Variants in NR2C2 observed in about 807,000 individuals in gnomAD.
NR2C2 encodes nuclear receptor subfamily 2 group C member 2.
In NR2C2, 6 loss-of-function variants were observed where a neutral mutation model predicts 62.9. That is an observed-to-expected ratio of 0.10 (90% CI 0.05 to 0.19). NR2C2 has a LOEUF of 0.19. Among genes scored for constraint, NR2C2 ranks in the 10% least tolerant of loss-of-function variants. The pLI, the probability that NR2C2 is intolerant of heterozygous loss-of-function variation, is 1.00. For missense variants in NR2C2, 479 were observed against 762.7 expected, an observed-to-expected ratio of 0.63 and a Z score of 4.38; for synonymous variants, 272 against 273.8, an observed-to-expected ratio of 0.99 and a Z score of 0.07.
In NR2C2 at chr3:14,989,787, C is replaced by T. The variant is rs1322354423; in HGVS notation, c.-39-14089C>T. Among the ~76,000 whole-genome samples the T allele has an allele frequency of 6.6e-5, 10 of 151,728 alleles. 1 individual carries two copies. The highest frequency in any genetic ancestry group is 6.6e-4 in the Admixed American group (10 of 15,208). ...ATCTCTACTAAAAATACAAAATTAG[C>T]AGGGTGTGGTGGCAGGCACCTGTAA... On this transcript the variant is annotated intron_variant, in intron 1 of 13. Coordinates refer to ENST00000425241, the MANE Select transcript of NR2C2 (RefSeq NM_001291694.2).
chr3:15,013,665 A>C lies in NR2C2; in HGVS notation c.149A>C (p.Gln50Pro). ...AVDASGSPKQ[Q>P]FILTSPDGAG... The stretch of plus-strand genomic sequence containing the variant: ...GACGCCTCCGGATCCCCCAAACAGC[A>C]GTTCATCCTGACCAGCCCAGATGGA... Residue 50 changes from glutamine to proline, a missense_variant, in exon 3 of 14, where the codon CAG becomes CCG. Gln to Pro is a moderately conservative substitution (Grantham distance 76). Transcript: ENST00000425241. The C allele has an allele frequency of 6.2e-7, 1 of 1,614,188 alleles. No individual in the cohort carries two copies. Among genetic ancestry groups the C allele is most frequent in the South Asian group, 1.1e-5 (1 of 91,084 alleles).
At chr3:14,960,467 C>G (rs2039660270) in intron 1 of NR2C2, among the ~76,000 whole-genome samples, 1 of 152,120 alleles carries the variant, frequency 6.6e-6, no homozygotes, top group Non-Finnish European at 1.5e-5. Context: ...TAATTCTGTA[C>G]TAGGCCTCTA....
At chr3:14,986,877 AG>A (rs769888229) in intron 1 of NR2C2, among the ~76,000 whole-genome samples, 1 of 152,214 alleles carries the variant, frequency 6.6e-6, no homozygotes, top group Non-Finnish European at 1.5e-5. Flanking sequence ...TTCTAAGTGT[AG>A]TGTGTTTCCA....
chr3:15,028,547 C>T (rs1395289979), intron 7 of NR2C2, 39 bp from the exon 8 acceptor site: 21 of 1,594,262 alleles, frequency 1.3e-5, no homozygotes, highest in Admixed American at 5.1e-5. Context: ...ATTTGCGTAT[C>T]TGTGTTCATT....
At chr3:14,983,983 G>A (rs113587926) in intron 1 of NR2C2, among the ~76,000 whole-genome samples, 2 of 152,120 alleles carry the variant, frequency 1.3e-5, no homozygotes, top group Admixed American at 1.3e-4. Context: ...CCACCTCCCG[G>A]GTTCAAGCAG....
At chr3:14,971,169 G>A (rs1315210012) in intron 1 of NR2C2, among the ~76,000 whole-genome samples, 2 of 152,080 alleles carry the variant, frequency 1.3e-5, no homozygotes, top group African/African-American at 4.8e-5. Flanking sequence ...CCAGGCTGGA[G>A]TGCAGTGGCG....
chr3:15,004,708 A>G (rs1466426144), intron 2 of NR2C2: 7 of 1,428,370 alleles, frequency 4.9e-6, no homozygotes, highest in Non-Finnish European at 6.7e-6. Context: ...TGAATCAAAA[A>G]GCCAATTATA....
chr3:14,997,961 C>T (rs1275518835), intron 1 of NR2C2, among the ~76,000 whole-genome samples: 1 of 152,130 alleles, frequency 6.6e-6, no homozygotes, highest in Non-Finnish European at 1.5e-5. Context: ...ACCCCTGTTC[C>T]CCTGTCACCT....
At chr3:14,966,263 A>G (rs868649156) in intron 1 of NR2C2, among the ~76,000 whole-genome samples, 3 of 152,252 alleles carry the variant, frequency 2.0e-5, no homozygotes, top group Admixed American at 1.3e-4. Flanking sequence ...ATAATAGGAC[A>G]GGGCTTTTGC....
chr3:14,964,503 CTATTTTA>C (rs112992681), intron 1 of NR2C2, among the ~76,000 whole-genome samples: 146,308 of 151,580 alleles, frequency 0.97, 70,568 homozygotes, highest in East Asian at 1. Context: ...TTTTTATTTT[CTATTTTA>C]TATTTTTTAT....
chr3:14,950,736 T>G (rs1045284073), intron 1 of NR2C2, among the ~76,000 whole-genome samples: 1 of 152,254 alleles, frequency 6.6e-6, no homozygotes, highest in Non-Finnish European at 1.5e-5. Context: ...AGGAATACAT[T>G]TTGTTTACCA....
In NR2C2 at chr3:14,947,859, C is replaced by T. The variant is rs550009641; in HGVS notation, c.-87C>T. 6.7e-6 allele frequency: 1 copy of T among 149,886 alleles called. No homozygotes were observed. The highest frequency in any genetic ancestry group is 6.6e-5 in the Admixed American group (1 of 15,112). The allele number at this position is 149,886 out of a possible 1,614,324, so 9.3% of individuals were successfully genotyped here. A position where few individuals can be genotyped will look rare whatever the true frequency, so the allele number is the denominator to read the frequency against. Reference sequence around the variant, plus strand: ...GCCCTCCGCGCCGGGGGCCGCCCGCCGCAGACACGGGACCCGCTTCGAGGC... The same window carrying T: ...GCCCTCCGCGCCGGGGGCCGCCCGCTGCAGACACGGGACCCGCTTCGAGGC... On this transcript the variant is annotated 5_prime_UTR_variant, in exon 1 of 14. Coordinates refer to ENST00000425241, the MANE Select transcript of NR2C2 (RefSeq NM_001291694.2).
intron 13 of NR2C2, among the ~76,000 whole-genome samples, chr3:15,040,483 A>G (rs1484344660): frequency 6.6e-6 from 1 of 152,174 alleles, no homozygotes; most frequent in Non-Finnish European, 1.5e-5. Context: ...CAGGAGCCCC[A>G]TGGAACACAG....
chr3:15,020,903 A>C lies in NR2C2; in HGVS notation c.527A>C (p.Lys176Thr). Reference sequence around the variant, plus strand: ...CGCTGTCAGTTTTGCCGGCTGAAAAAATGCTTAGAGATGGGCATGAAAATG... The same window carrying C: ...CGCTGTCAGTTTTGCCGGCTGAAAACATGCTTAGAGATGGGCATGAAAATG... ...RNRCQFCRLK[K>T]CLEMGMKMES... The change falls in exon 5 of 14, where the codon AAA (lysine) becomes ACA (threonine). Residue 176 changes from lysine (K) to threonine (T), a missense_variant. Coordinates refer to ENST00000425241, the MANE Select transcript of NR2C2 (RefSeq NM_001291694.2). 1 of 1,614,194 alleles carries C rather than the reference A, an allele frequency of 6.2e-7. No homozygotes were observed. Among genetic ancestry groups the C allele is most frequent in the Non-Finnish European group, 8.5e-7 (1 of 1,180,026 alleles).
chr3:15,043,887 A>G lies in NR2C2; in HGVS notation c.*879A>G, dbSNP rs1264935897. ...AGATGTACAGTTCCTCCAGCAAGTG[A>G]AAACATCCCCAAGTCACATCCGCCG... On this transcript the variant is annotated 3_prime_UTR_variant, in exon 14 of 14. Coordinates refer to ENST00000425241, the MANE Select transcript of NR2C2 (RefSeq NM_001291694.2). 1.3e-5 allele frequency: 2 copies of G among 152,246 alleles called. No individual in the cohort carries two copies. Among genetic ancestry groups the G allele is most frequent in the Non-Finnish European group, 2.9e-5 (2 of 68,052 alleles). 9.4% of individuals were successfully genotyped at this position (152,246 alleles called of 1,614,324 possible).
intron 2 of NR2C2, among the ~76,000 whole-genome samples, chr3:15,010,441 A>G (rs1220353652): frequency 6.6e-6 from 1 of 152,092 alleles, no homozygotes; most frequent in Non-Finnish European, 1.5e-5. Flanking sequence ...TAATCTAGCC[A>G]GGTGCATTGG....
In NR2C2 at chr3:15,013,938, TAATAAACCAGC is replaced by T. The variant is rs978418906; in HGVS notation, c.273+153_273+163del. 14 of 758,130 alleles carry T rather than the reference TAATAAACCAGC, an allele frequency of 1.8e-5. 1 individual carries two copies. The highest frequency in any genetic ancestry group is 1.5e-4 in the South Asian group (9 of 58,368). 47.0% of individuals were successfully genotyped at this position (758,130 alleles called of 1,614,324 possible). On this transcript the variant is annotated intron_variant, in intron 3 of 13. Coordinates refer to ENST00000425241, the MANE Select transcript of NR2C2 (RefSeq NM_001291694.2). ...TGGCAGGTTGCTGCTTTGGCCAAAG[TAATAAACCAGC>T]AATCCAGTGGCAAGGCCCAGAAGAC...
intron 1 of NR2C2, among the ~76,000 whole-genome samples, chr3:14,987,563 A>G (rs184383279): frequency 1.6e-4 from 24 of 152,310 alleles, no homozygotes; most frequent in African/African-American, 4.8e-4. Context: ...TTACCACACT[A>G]TGTAAAAATA....
chr3:15,034,548 C>G, intron 10 of NR2C2, 122 bp from the exon 11 acceptor site: 1 of 970,260 alleles, frequency 1.0e-6, no homozygotes, highest in Non-Finnish European at 1.5e-6. Context: ...CTGGATAGCA[C>G]TTCAATAAAC....
Sources: allele counts gnomAD v4.1 joint callset (sites outside exome capture counted in the v4.1 genomes callset), GRCh38; gene constraint gnomAD v4.1.1; transcripts MANE v1.5; gene names NCBI Gene and HGNC (gene_info 2026-07-23, HGNC 2026-07-21).